ANKRD42: variants seen among roughly 807,000 people sequenced by gnomAD.
ANKRD42 encodes the protein ankyrin repeat domain-containing protein 42.
Under a neutral mutation model 51.5 loss-of-function variants are expected in ANKRD42, and 43 were observed. The observed-to-expected ratio is 0.83, with a 90% CI of 0.65 to 1.08. The LOEUF (loss-of-function observed/expected upper bound fraction) is 1.08. ANKRD42 is among the 50% of genes least tolerant of loss of function. The pLI, the probability that ANKRD42 is intolerant of heterozygous loss-of-function variation, is 0.00. For missense variants in ANKRD42, 608 were observed against 629.3 expected (o/e 0.97, Z 0.36); for synonymous variants, 203 against 213.0 (o/e 0.95, Z 0.41).
chr11:83,247,003 C>A (rs564041775), intron 10 of ANKRD42, among the ~76,000 whole-genome samples: 4 of 152,136 alleles, frequency 2.6e-5, no homozygotes, highest in African/African-American at 9.6e-5. Flanking sequence ...GAAGCTGTGG[C>A]AGACTGATTT....
At chr11:83,251,309 C>T (rs1863671427), downstream of ANKRD42, among the ~76,000 whole-genome samples, 1 of 152,106 alleles carries the variant, frequency 6.6e-6, no homozygotes, top group Non-Finnish European at 1.5e-5. Context: ...GGCTTCTCGT[C>T]ATCTGTATCA....
At chr11:83,260,467 AACAGGATAATGTC>A (rs1285765547), downstream of ANKRD42, 2 of 152,238 alleles carry the variant, frequency 1.3e-5, no homozygotes, top group African/African-American at 4.8e-5. Context: ...ATCAGAATGT[AACAGGATAATGTC>A]AAGGTTTTTC....
chr11:83,248,779 C>CT lies in ANKRD42; in HGVS notation c.*576dup, dbSNP rs1386981101. 1 of 976,190 alleles carries CT rather than the reference C, an allele frequency of 1.0e-6. No homozygotes were observed. Among genetic ancestry groups the CT allele is most frequent in the Non-Finnish European group, 1.2e-6 (1 of 821,642 alleles). The allele number at this position is 976,190 out of a possible 1,614,324, so 60.5% of individuals were successfully genotyped here. On this transcript the variant is annotated 3_prime_UTR_variant, in exon 11 of 11. Transcript: ENST00000533342. The stretch of plus-strand genomic sequence containing the variant: ...AACAAGATAGATGTTCCTTCTGACA[C>CT]TAAGTTCCACTCTCCAGAGGAAGCT...
intron 1 of ANKRD42, among the ~76,000 whole-genome samples, chr11:83,197,561 A>G (rs550068861): frequency 4.6e-5 from 7 of 152,332 alleles, no homozygotes; most frequent in African/African-American, 1.7e-4. Context: ...GGTTGCACAG[A>G]TCATTTGCCA....
At chr11:83,212,718 G>C (rs929739350) in intron 5 of ANKRD42, 27 of 1,535,872 alleles carry the variant, frequency 1.8e-5, no homozygotes, top group Non-Finnish European at 2.4e-5. Flanking sequence ...ACATAATTTG[G>C]CACCTACCTA....
intron 8 of ANKRD42, among the ~76,000 whole-genome samples, chr11:83,238,896 C>T (rs1022990551): frequency 6.6e-6 from 1 of 151,644 alleles, no homozygotes; most frequent in African/African-American, 2.4e-5. Context: ...GTCCCAGCTA[C>T]TACTTGGGAG....
At chr11:83,214,579 A>G in intron 5 of ANKRD42, 1 of 980,256 alleles carries the variant, frequency 1.0e-6, no homozygotes, top group Non-Finnish European at 1.2e-6. Context: ...AATCGCTCTC[A>G]TAAAATTATT....
intron 5 of ANKRD42, among the ~76,000 whole-genome samples, chr11:83,223,511 A>G (rs1862779337): frequency 6.6e-6 from 1 of 152,174 alleles, no homozygotes; most frequent in Admixed American, 6.5e-5. Flanking sequence ...GGATGGCTCC[A>G]AGGCTTATGG....
exon 12 of ANKRD42, chr11:83,255,911 G>T: frequency 6.5e-7 from 1 of 1,533,918 alleles, no homozygotes. Flanking sequence ...TTCTTCTGGA[G>T]GGGTGTTTGT....
At chr11:83,205,962 C>T (rs1862052927) in intron 2 of ANKRD42, 96 bp from the exon 3 acceptor site, 1 of 991,534 alleles carries the variant, frequency 1.0e-6, no homozygotes, top group Non-Finnish European at 1.5e-6. Flanking sequence ...CTCTCATTCA[C>T]TACAGTCTGC....
At chr11:83,218,304 A>G (rs1862604348) in intron 5 of ANKRD42, among the ~76,000 whole-genome samples, 2 of 152,190 alleles carry the variant, frequency 1.3e-5, no homozygotes, top group African/African-American at 4.8e-5. Context: ...GAGGGTCTAC[A>G]GTGGGTACTG....
At chr11:83,261,862 G>A (rs775991525), downstream of ANKRD42, 24 of 1,336,596 alleles carry the variant, frequency 1.8e-5, no homozygotes, top group African/African-American at 3.0e-5. Flanking sequence ...AATCTCTCCC[G>A]GTTTGGTGTT....
chr11:83,258,012 G>A (rs1863803295), downstream of ANKRD42, among the ~76,000 whole-genome samples: 2 of 152,202 alleles, frequency 1.3e-5, no homozygotes, highest in Non-Finnish European at 2.9e-5. Flanking sequence ...TAAAACCTTA[G>A]GGTCATGGCT....
chr11:83,228,191 TATTA>T (rs1179097062), intron 7 of ANKRD42, among the ~76,000 whole-genome samples: 1 of 145,538 alleles, frequency 6.9e-6, no homozygotes, highest in Non-Finnish European at 1.5e-5. Flanking sequence ...TAAAATGACC[TATTA>T]ATTCATACTA....
chr11:83,236,291 A>T, intron 7 of ANKRD42, 113 bp from the exon 8 acceptor site: 1 of 670,344 alleles, frequency 1.5e-6, no homozygotes, highest in South Asian at 2.3e-5. Flanking sequence ...TACTGCAAGG[A>T]TCAATACTTA....
chr11:83,202,988 A>ATTTTTT (rs750379636), intron 2 of ANKRD42, among the ~76,000 whole-genome samples: 148 of 118,964 alleles, frequency 1.2e-3, no homozygotes, highest in Middle Eastern at 4.8e-3. Flanking sequence ...TGTTGGTTGG[A>ATTTTTT]TTTTTTTTTT....
intron 4 of ANKRD42, among the ~76,000 whole-genome samples, chr11:83,210,648 T>C (rs551969913): frequency 7.1e-4 from 108 of 152,352 alleles, no homozygotes; most frequent in African/African-American, 2.3e-3. Flanking sequence ...TTGAGAGGTT[T>C]TGGGTTCTTC....
chr11:83,227,688 A>G, intron 6 of ANKRD42, 59 bp from the exon 7 acceptor site: 7 of 1,541,170 alleles, frequency 4.5e-6, no homozygotes, highest in Non-Finnish European at 6.1e-6. Flanking sequence ...TGACAGCTTA[A>G]GACAGGGAAA....
At chr11:83,261,671 A>G (rs930654501), downstream of ANKRD42, 8 of 316,550 alleles carry the variant, frequency 2.5e-5, no homozygotes, top group African/African-American at 1.3e-4. Context: ...ATGCTCTTCT[A>G]TCTCAAACCA....
Sources: allele counts gnomAD v4.1 joint callset (sites outside exome capture counted in the v4.1 genomes callset), GRCh38; gene constraint gnomAD v4.1.1; transcripts MANE v1.5; gene names NCBI Gene and HGNC (gene_info 2026-07-23, HGNC 2026-07-21).